Variants in NXPE2 observed in about 807,000 individuals in gnomAD.
NXPE2 encodes the protein NXPE family member 2.
Under a neutral mutation model 34.4 loss-of-function variants are expected in NXPE2, and 34 were observed. The ratio of observed to expected loss-of-function variants is 0.99; its 90% confidence interval spans 0.75 to 1.31. NXPE2 has a LOEUF of 1.31. Ranked by LOEUF, NXPE2 falls within the 40% of genes most tolerant of loss-of-function variation. The pLI, the probability that NXPE2 is intolerant of heterozygous loss-of-function variation, is 0.00. For synonymous variants in NXPE2, 235 were observed against 231.3 expected (o/e 1.02, Z -0.15); for missense variants, 649 against 672.5 (o/e 0.97, Z 0.39).
chr11:114,616,055 G>A, the NXPE2 span, among the ~76,000 whole-genome samples: 2 of 151,634 alleles, frequency 1.3e-5, no homozygotes, highest in Non-Finnish European at 2.9e-5. Flanking sequence ...TGGATAATAA[G>A]TATTGCCTCA....
At chr11:114,551,073 T>G in the NXPE2 span, 1 of 1,228,640 alleles carries the variant, frequency 8.1e-7, no homozygotes, top group Non-Finnish European at 1.2e-6. Context: ...GCTTACTGTG[T>G]GATCTGCATC....
At chr11:114,731,511 G>C in the NXPE2 span, among the ~76,000 whole-genome samples, 1 of 152,158 alleles carries the variant, frequency 6.6e-6, no homozygotes, top group Non-Finnish European at 1.5e-5. Flanking sequence ...ACAGTTCATG[G>C]TACATCCATA....
chr11:114,812,731 C>CT, the NXPE2 span, among the ~76,000 whole-genome samples: 1 of 152,128 alleles, frequency 6.6e-6, no homozygotes. Context: ...TCACATTGTG[C>CT]TGCTTCTGAT....
At chr11:114,568,238 C>T in the NXPE2 span, among the ~76,000 whole-genome samples, 10 of 152,052 alleles carry the variant, frequency 6.6e-5, no homozygotes, top group African/African-American at 9.7e-5. Flanking sequence ...ATTTTAGTTT[C>T]TGTGCTAAAA....
At chr11:114,551,261 A>G in the NXPE2 span, 1 of 1,314,710 alleles carries the variant, frequency 7.6e-7, no homozygotes, top group Non-Finnish European at 1.0e-6. Flanking sequence ...ATCTCTCTGT[A>G]CTCACTCATT....
At chr11:114,627,901 C>T in the NXPE2 span, among the ~76,000 whole-genome samples, 1 of 151,504 alleles carries the variant, frequency 6.6e-6, no homozygotes, top group Non-Finnish European at 1.5e-5. Context: ...TTTAAACCAA[C>T]AAAGATCAAA....
At chr11:114,516,624 A>G in the NXPE2 span, among the ~76,000 whole-genome samples, 2 of 152,124 alleles carry the variant, frequency 1.3e-5, no homozygotes, top group East Asian at 1.9e-4. Flanking sequence ...TAGTTGTAAA[A>G]ATGATCTATA....
the NXPE2 span, among the ~76,000 whole-genome samples, chr11:114,793,431 G>T: frequency 3.2e-3 from 494 of 152,240 alleles, 5 homozygotes; most frequent in Non-Finnish European, 5.3e-3. Context: ...TCTTGGGTAA[G>T]AAAACAGTAA....
chr11:114,546,227 G>A, the NXPE2 span, among the ~76,000 whole-genome samples: 1 of 152,146 alleles, frequency 6.6e-6, no homozygotes, highest in African/African-American at 2.4e-5. Flanking sequence ...TGAAACCATT[G>A]TATGTGTATG....
At chr11:114,588,760 A>G in the NXPE2 span, among the ~76,000 whole-genome samples, 1 of 152,178 alleles carries the variant, frequency 6.6e-6, no homozygotes, top group Admixed American at 6.5e-5. Flanking sequence ...AAATCCAGGT[A>G]AGAATCCCAC....
At chr11:114,764,430 A>T in the NXPE2 span, among the ~76,000 whole-genome samples, 1 of 3,032 alleles carries the variant, frequency 3.3e-4, no homozygotes, top group Non-Finnish European at 0.026. Flanking sequence ...TTTTCTTTAA[A>T]AAAAAAAAAA....
chr11:114,537,973 C>T, the NXPE2 span, among the ~76,000 whole-genome samples: 1 of 152,328 alleles, frequency 6.6e-6, no homozygotes, highest in East Asian at 1.9e-4. Context: ...ATTGCCAAGT[C>T]AATCCTAAGC....
chr11:114,483,914 CT>C, the NXPE2 span, among the ~76,000 whole-genome samples: 1 of 152,326 alleles, frequency 6.6e-6, no homozygotes, highest in South Asian at 2.1e-4. Flanking sequence ...CCACTGACCC[CT>C]GGCTGATGTG....
the NXPE2 span, among the ~76,000 whole-genome samples, chr11:114,573,689 T>C: frequency 6.6e-6 from 1 of 151,972 alleles, no homozygotes; most frequent in Admixed American, 6.6e-5. Context: ...TATATGCATC[T>C]AACACTGGAG....
chr11:114,802,699 T>TTCAAAAGGCTG, the NXPE2 span, among the ~76,000 whole-genome samples: 2 of 152,172 alleles, frequency 1.3e-5, no homozygotes. Context: ...TGAGTCTAAT[T>TTCAAAAGGCTG]CCTAATTGTA....
At chr11:114,496,404 C>T in the NXPE2 span, among the ~76,000 whole-genome samples, 3 of 152,260 alleles carry the variant, frequency 2.0e-5, no homozygotes, top group East Asian at 1.9e-4. Flanking sequence ...ATAGGCAATT[C>T]AAGACTGTCT....
At chr11:114,630,393 G>C in the NXPE2 span, among the ~76,000 whole-genome samples, 1 of 151,748 alleles carries the variant, frequency 6.6e-6, no homozygotes, top group African/African-American at 2.4e-5. Context: ...TCTGATCTTT[G>C]AGAAACCTGA....
chr11:114,524,325 A>G, the NXPE2 span, among the ~76,000 whole-genome samples: 3 of 152,214 alleles, frequency 2.0e-5, no homozygotes, highest in Non-Finnish European at 2.9e-5. Flanking sequence ...GGGAACCATC[A>G]GCAGTTTCTG....
chr11:114,604,758 T>G, the NXPE2 span, among the ~76,000 whole-genome samples: 65,687 of 149,938 alleles, frequency 0.44, 15,457 homozygotes, highest in African/African-American at 0.62. Context: ...ATTGCCTCAT[T>G]GGTAACCACT....
Sources: allele counts gnomAD v4.1 joint callset (sites outside exome capture counted in the v4.1 genomes callset), GRCh38; gene constraint gnomAD v4.1.1; transcripts MANE v1.5; gene names NCBI Gene and HGNC (gene_info 2026-07-23, HGNC 2026-07-21).